BRD4: variants seen among roughly 807,000 people sequenced by gnomAD.
BRD4 encodes the protein bromodomain-containing protein 4.
In BRD4, 16 loss-of-function variants were observed where a neutral mutation model predicts 142.1. That is an observed-to-expected ratio of 0.11 (90% CI 0.08 to 0.17). The LOEUF (loss-of-function observed/expected upper bound fraction) is 0.17, where lower values mean the gene tolerates loss of function less well. BRD4 is among the 10% of genes least tolerant of loss of function. The probability of loss-of-function intolerance (pLI) is 1.00; values close to 1 mark genes in which losing one functional copy is unlikely to be tolerated. For synonymous variants in BRD4, 833 were observed against 707.5 expected, an observed-to-expected ratio of 1.18 and a Z score of -2.82; for missense variants, 1,424 against 1,810.9, an observed-to-expected ratio of 0.79 and a Z score of 3.88.
chr19:15,238,799 C>T lies in BRD4; in HGVS notation c.3964G>A (p.Asp1322Asn), dbSNP rs2145497898. The change falls in exon 19 of 20, where the codon GAC (aspartate) becomes AAC (asparagine). Residue 1322 changes from aspartate (D) to asparagine (N), a missense_variant. Transcript: ENST00000679869. This position sits in a 1 kb window ranked among gnomAD's most constrained non-coding sequence, Gnocchi z 7.2. ...AQSSQPQSML[D>N]QQRELARKRE... The stretch of plus-strand genomic sequence containing the variant: ...TTCCGGGCCAACTCCCTCTGCTGGT[C>T]CAGCATGGACTGGGGCTGGGAGCTC... The T allele has an allele frequency of 6.3e-7, 1 of 1,597,990 alleles. No individual in the cohort carries two copies. The highest frequency in any genetic ancestry group is 8.5e-7 in the Non-Finnish European group (1 of 1,169,852).
At chr19:15,330,029 G>C (rs1370295979) in intron 1 of BRD4, among the ~76,000 whole-genome samples, 1 of 152,226 alleles carries the variant, frequency 6.6e-6, no homozygotes, top group Non-Finnish European at 1.5e-5. Context: ...GACTAGCGAA[G>C]CTAGGCATAT....
intron 11 of BRD4, chr19:15,247,585 G>A: frequency 4.3e-6 from 1 of 233,102 alleles, no homozygotes; most frequent in African/African-American, 2.2e-5. Flanking sequence ...CGTGTGTCGG[G>A]GGCAGCATGC....
chr19:15,238,294 A>T lies in BRD4; in HGVS notation c.*83T>A. 6.3e-7 allele frequency: 1 copy of T among 1,590,568 alleles called. No homozygotes were observed. Among genetic ancestry groups the T allele is most frequent in the Non-Finnish European group, 8.6e-7 (1 of 1,166,986 alleles). Reference sequence around the variant, plus strand: ...GCCCTGAGGCATCCCCTGGCCGCTGATCCCACCTCCACCACCGCCCCTAAC... The same window carrying T: ...GCCCTGAGGCATCCCCTGGCCGCTGTTCCCACCTCCACCACCGCCCCTAAC... On this transcript the variant is annotated 3_prime_UTR_variant, in exon 20 of 20. Coordinates refer to ENST00000679869, the MANE Select transcript of BRD4 (RefSeq NM_001379291.1). This position sits in a 1 kb window ranked among gnomAD's most constrained non-coding sequence, Gnocchi z 7.2.
intron 1 of BRD4, among the ~76,000 whole-genome samples, chr19:15,313,261 T>C (rs940039300): frequency 8.6e-5 from 13 of 150,500 alleles, no homozygotes; most frequent in Non-Finnish European, 2.9e-5. Flanking sequence ...GAGTCCCAGC[T>C]ACTTGGGAGG....
At chr19:15,289,852 G>A (rs1252905885) in intron 1 of BRD4, among the ~76,000 whole-genome samples, 2 of 152,200 alleles carry the variant, frequency 1.3e-5, no homozygotes, top group Non-Finnish European at 1.5e-5. Flanking sequence ...CCCACAGCCA[G>A]GTCCCTGCCT....
chr19:15,242,879 C>T, intron 14 of BRD4, 21 bp downstream of exon 14: 1 of 1,596,130 alleles, frequency 6.3e-7, no homozygotes, highest in Non-Finnish European at 8.5e-7. Flanking sequence ...TCCCCAGAGT[C>T]TACGGGTGAG....
At chr19:15,322,941 T>G (rs558506799) in intron 1 of BRD4, among the ~76,000 whole-genome samples, 1 of 150,242 alleles carries the variant, frequency 6.7e-6, no homozygotes, top group Non-Finnish European at 1.5e-5. Context: ...TCCCAGCTAC[T>G]TGGGAGGCTG....
At chr19:15,318,883 G>C (rs2048038261) in intron 1 of BRD4, among the ~76,000 whole-genome samples, 1 of 152,200 alleles carries the variant, frequency 6.6e-6, no homozygotes, top group South Asian at 2.1e-4. Flanking sequence ...TGACAAAGTT[G>C]GGGGCACAGG....
At chr19:15,265,734 C>T (rs556664139) in intron 4 of BRD4, 91 bp from the exon 5 acceptor site, 21 of 1,342,768 alleles carry the variant, frequency 1.6e-5, no homozygotes, top group East Asian at 6.9e-5. Context: ...ACACAGTGAA[C>T]GCACATTCGC....
Position 15,238,516 on chromosome 19 carries a change from G to A in BRD4, c.4021-71C>T, listed in dbSNP as rs533237485. On this transcript the variant is annotated intron_variant, in intron 19 of 19. Transcript: ENST00000679869. The surrounding 1 kb of genome is among the most constrained non-coding windows in gnomAD (Gnocchi z 7.2). ...CCTGCAGCTACAAGCCCTCATACCC[G>A]CTACCAGCAGTCAGCCCCGTAGCCC... The A allele has an allele frequency of 4.0e-4, 640 of 1,608,610 alleles. 1 individual carries two copies. In the Middle Eastern group the frequency reaches 5.3e-3, roughly 13 times the overall value.
At chr19:15,248,563 A>T (rs911106479) in intron 11 of BRD4, 4 of 224,884 alleles carry the variant, frequency 1.8e-5, no homozygotes, top group Non-Finnish European at 3.5e-5. Context: ...AGGCCAAAGA[A>T]ACTGGGGAAA....
intron 1 of BRD4, among the ~76,000 whole-genome samples, chr19:15,321,419 C>A (rs768680869): frequency 6.6e-6 from 1 of 151,226 alleles, no homozygotes; most frequent in African/African-American, 2.4e-5. Flanking sequence ...GGGCAGAGAC[C>A]AGCTACAGGC....
At chr19:15,294,325 T>A (rs2047806670) in intron 1 of BRD4, among the ~76,000 whole-genome samples, 1 of 152,238 alleles carries the variant, frequency 6.6e-6, no homozygotes, top group African/African-American at 2.4e-5. Context: ...TCTGGACACA[T>A]CTGGACGACA....
intron 7 of BRD4, among the ~76,000 whole-genome samples, chr19:15,260,840 T>A (rs542158710): frequency 1.7e-4 from 25 of 149,732 alleles, no homozygotes; most frequent in African/African-American, 6.1e-4. Context: ...AAAATCTTTG[T>A]TGGAGAAAAT....
At position 15,237,248 on chromosome 19, in the gene BRD4, G is replaced by A. The variant is rs1417125688; in HGVS notation, c.*1129C>T. On this transcript the variant is annotated 3_prime_UTR_variant, in exon 20 of 20. Coordinates refer to ENST00000679869, the MANE Select transcript of BRD4 (RefSeq NM_001379291.1). ...AACAAAAAAGCCAACAAATGGGTGGGGGGGGGGGGGGTGGAGGGGAAAGAA... is the reference window on the plus strand; with the variant it reads ...AACAAAAAAGCCAACAAATGGGTGGAGGGGGGGGGGGTGGAGGGGAAAGAA... The A allele has an allele frequency of 1.7e-5, 2 of 115,546 alleles. No homozygotes were observed. Among genetic ancestry groups the A allele is most frequent in the Non-Finnish European group, 3.4e-5 (2 of 59,108 alleles). The allele number at this position is 115,546 out of a possible 1,614,324, so 7.2% of individuals were successfully genotyped here. A position where few individuals can be genotyped will look rare whatever the true frequency, so the allele number is the denominator to read the frequency against.
chr19:15,264,238 C>T, intron 6 of BRD4, 166 bp downstream of exon 6: 1 of 894,470 alleles, frequency 1.1e-6, no homozygotes, highest in Non-Finnish European at 1.7e-6. Flanking sequence ...GCACGTCCCA[C>T]AGCAGACAGC....
intron 14 of BRD4, among the ~76,000 whole-genome samples, chr19:15,241,805 C>CTTTTT (rs906788611): frequency 8.6e-5 from 9 of 104,300 alleles, no homozygotes; most frequent in Middle Eastern, 7.1e-3. Flanking sequence ...TGGCACCTGA[C>CTTTTT]TTTTTTTTTT....
intron 1 of BRD4, among the ~76,000 whole-genome samples, chr19:15,297,175 G>GTAGCCCTCAGTTACAT (rs2047830096): frequency 6.6e-6 from 1 of 152,210 alleles, no homozygotes; most frequent in African/African-American, 2.4e-5. Flanking sequence ...TGATACAGCA[G>GTAGCCCTCAGTTACAT]TAGCCCTCAG....
intron 11 of BRD4, 71 bp from the exon 12 acceptor site, chr19:15,244,833 G>A (rs2145518298): frequency 1.2e-6 from 2 of 1,609,564 alleles, no homozygotes; most frequent in South Asian, 2.2e-5. Context: ...GATGAAGAAA[G>A]ACGAGAAAAC....
Sources: allele counts gnomAD v4.1 joint callset (sites outside exome capture counted in the v4.1 genomes callset), GRCh38; gene constraint gnomAD v4.1.1; non-coding constraint Gnocchi (gnomAD v3.1); transcripts MANE v1.5; gene names NCBI Gene and HGNC (gene_info 2026-07-23, HGNC 2026-07-21).